The following CRYL1 variants were observed in gnomAD, a reference collection of about 807,000 sequenced individuals.
CRYL1 encodes the protein lambda-crystallin homolog.
A neutral mutation model predicts 36.6 loss-of-function variants in CRYL1; 29 were observed. The observed-to-expected ratio is 0.79, with a 90% CI of 0.59 to 1.08. CRYL1 has a LOEUF of 1.08. Among genes scored for constraint, CRYL1 ranks in the 50% least tolerant of loss-of-function variants. The probability of loss-of-function intolerance (pLI) is 0.00; values close to 1 mark genes in which losing one functional copy is unlikely to be tolerated. For missense variants in CRYL1, 411 were observed against 407.9 expected (o/e 1.01, Z -0.06); for synonymous variants, 152 against 151.5 (o/e 1.00, Z -0.02).
intron 3 of CRYL1, among the ~76,000 whole-genome samples, chr13:20,466,216 G>A (rs917658403): frequency 6.6e-6 from 1 of 152,116 alleles, no homozygotes; most frequent in African/African-American, 2.4e-5. Context: ...GCATGGCCTC[G>A]CAGCCTTCCA....
intron 4 of CRYL1, among the ~76,000 whole-genome samples, chr13:20,437,679 T>C (rs1011924344): frequency 6.6e-6 from 1 of 152,188 alleles, no homozygotes; most frequent in African/African-American, 2.4e-5. Context: ...AGTGTCATTA[T>C]TCAACAGTTA....
At position 20,413,301 on chromosome 13, in the gene CRYL1, G is replaced by C. The variant is rs779817778; in HGVS notation, c.720C>G (p.Thr240=). Residue 240 remains threonine (T), a synonymous_variant, in exon 6 of 8, where the codon ACC becomes ACG. Coordinates refer to ENST00000298248, the MANE Select transcript of CRYL1 (RefSeq NM_015974.3). ...MRYAFIGPLE[T]MHLNAEGMLS... ...GCATACCTTCTGCATTGAGATGCATGGTTTCCAGGGGTCCAATGAATGCAT... is the reference window on the plus strand; with the variant it reads ...GCATACCTTCTGCATTGAGATGCATCGTTTCCAGGGGTCCAATGAATGCAT... 1 of 1,612,078 alleles carries C rather than the reference G, an allele frequency of 6.2e-7. No individual in the cohort carries two copies.
chr13:20,410,254 T>C (rs914383428), intron 6 of CRYL1, among the ~76,000 whole-genome samples: 3 of 148,418 alleles, frequency 2.0e-5, no homozygotes, highest in Non-Finnish European at 4.5e-5. Flanking sequence ...AAATTGGAAA[T>C]CATCATTCTC....
intron 5 of CRYL1, chr13:20,427,330 A>T: frequency 1.0e-6 from 1 of 985,332 alleles, no homozygotes; most frequent in Non-Finnish European, 1.2e-6. Context: ...AAACGGAGTG[A>T]ACATCTGTGA....
chr13:20,472,985 A>G (rs2033093320), intron 3 of CRYL1: 1 of 152,262 alleles, frequency 6.6e-6, no homozygotes, highest in Admixed American at 6.5e-5. Flanking sequence ...TCTTCTTGCC[A>G]TCGGGATGTT....
At chr13:20,509,580 T>C (rs944513327) in intron 2 of CRYL1, among the ~76,000 whole-genome samples, 1 of 152,126 alleles carries the variant, frequency 6.6e-6, no homozygotes, top group Non-Finnish European at 1.5e-5. Flanking sequence ...ATGACAAACA[T>C]ACGAAAAGAT....
chr13:20,450,803 A>G (rs61955475), intron 3 of CRYL1, among the ~76,000 whole-genome samples: 37,859 of 151,990 alleles, frequency 0.25, 5,310 homozygotes, highest in Non-Finnish European at 0.32. Flanking sequence ...AAAGACTTGG[A>G]ACCAACCCAA....
At chr13:20,406,286 T>G (rs112302943) in intron 6 of CRYL1, among the ~76,000 whole-genome samples, 3,514 of 152,256 alleles carry the variant, frequency 0.023, 126 homozygotes, top group African/African-American at 0.079. Context: ...AAACATCATC[T>G]TTGGGGTTTA....
chr13:20,457,155 T>A (rs1371246012), intron 3 of CRYL1, among the ~76,000 whole-genome samples: 1 of 152,088 alleles, frequency 6.6e-6, no homozygotes, highest in African/African-American at 2.4e-5. Flanking sequence ...TCATCCTCCA[T>A]CCACTGGACC....
At chr13:20,444,100 G>A (rs930596547) in intron 3 of CRYL1, among the ~76,000 whole-genome samples, 13 of 152,110 alleles carry the variant, frequency 8.5e-5, no homozygotes, top group Non-Finnish European at 1.3e-4. Flanking sequence ...CACTTTTTAG[G>A]AGGTGGACAC....
At chr13:20,509,153 C>T (rs1040169767) in intron 2 of CRYL1, among the ~76,000 whole-genome samples, 4 of 148,674 alleles carry the variant, frequency 2.7e-5, no homozygotes, top group African/African-American at 9.9e-5. Flanking sequence ...AAGATCGCGC[C>T]ATTGCACTCC....
Position 20,415,046 on chromosome 13 carries a change from G to T in CRYL1, c.634-1659C>A, listed in dbSNP as rs902114794. On this transcript the variant is annotated intron_variant, in intron 5 of 7. Coordinates refer to ENST00000298248, the MANE Select transcript of CRYL1 (RefSeq NM_015974.3). This position sits in a 1 kb window ranked among gnomAD's most constrained non-coding sequence, Gnocchi z 4.1. ...AGCCCGACCGTGGACGATGCGTCGC[G>T]CCCTTCCCATCGCGGCCTGGGCGGG... 1.3e-5 allele frequency among the ~76,000 whole-genome samples: 2 copies of T among 152,160 alleles called. No homozygotes were observed. Among genetic ancestry groups the T allele is most frequent in the African/African-American group, 4.8e-5 (2 of 41,438 alleles).
intron 3 of CRYL1, among the ~76,000 whole-genome samples, chr13:20,444,870 C>A (rs1290972113): frequency 6.6e-6 from 1 of 152,186 alleles, no homozygotes; most frequent in African/African-American, 2.4e-5. Flanking sequence ...GTGCGCAGCA[C>A]CATGCTCAGC....
intron 3 of CRYL1, among the ~76,000 whole-genome samples, chr13:20,473,237 G>A (rs548616727): frequency 3.9e-5 from 6 of 152,372 alleles, no homozygotes; most frequent in South Asian, 2.1e-4. Context: ...AACAGGAGCC[G>A]GCAGGAGTGG....
chr13:20,463,725 T>G (rs950951815), intron 3 of CRYL1, among the ~76,000 whole-genome samples: 2 of 152,096 alleles, frequency 1.3e-5, no homozygotes, highest in African/African-American at 4.8e-5. Flanking sequence ...TTGGAAAAAC[T>G]AAATAATCTG....
chr13:20,431,733 T>G (rs2032064277), intron 5 of CRYL1: 1 of 1,168,628 alleles, frequency 8.6e-7, no homozygotes, highest in South Asian at 1.9e-5. Context: ...AAATATAATT[T>G]TTTTCCTTTT....
intron 5 of CRYL1, among the ~76,000 whole-genome samples, chr13:20,427,909 A>T (rs1315648358): frequency 6.6e-6 from 1 of 152,140 alleles, no homozygotes; most frequent in African/African-American, 2.4e-5. Context: ...CTTAAGTTCA[A>T]CGACTTAGAA....
intron 3 of CRYL1, among the ~76,000 whole-genome samples, chr13:20,454,834 C>T (rs1250269612): frequency 6.6e-6 from 1 of 152,012 alleles, no homozygotes; most frequent in Non-Finnish European, 1.5e-5. Flanking sequence ...GTGAAAAATT[C>T]AAGGCTTTCC....
intron 4 of CRYL1, among the ~76,000 whole-genome samples, chr13:20,436,148 A>G (rs2032211232): frequency 6.6e-6 from 1 of 152,106 alleles, no homozygotes; most frequent in Non-Finnish European, 1.5e-5. Context: ...GAGCGGGCTA[A>G]CTGGTGGCCT....
Sources: gnomAD v4.1 joint callset for allele counts (sites outside exome capture counted in the v4.1 genomes callset) on GRCh38, gnomAD v4.1.1 for gene constraint, Gnocchi (gnomAD v3.1) non-coding constraint, MANE v1.5 for transcripts, NCBI Gene and HGNC (gene_info 2026-07-23, HGNC 2026-07-21) for gene names.